Variants in SUGCT observed in about 807,000 individuals in gnomAD.
The protein encoded by SUGCT is succinyl-CoA:glutarate-CoA transferase, also known as succinyl-CoA:glutarate CoA-transferase.
SUGCT carries 41 observed loss-of-function variants against 55.0 expected under a neutral mutation model. The ratio of observed to expected loss-of-function variants is 0.74; its 90% CI spans 0.58 to 0.97. SUGCT has a LOEUF of 0.97. Among genes scored for constraint, SUGCT ranks in the 50% least tolerant of loss-of-function variants. The pLI, the probability that SUGCT is intolerant of heterozygous loss-of-function variation, is 0.00. For missense variants in SUGCT, 568 were observed against 547.8 expected (o/e 1.04, Z -0.37); for synonymous variants, 187 against 200.4 (o/e 0.93, Z 0.56).
intron 12 of SUGCT, among the ~76,000 whole-genome samples, chr7:40,578,581 ATT>A (rs1796904298): frequency 6.6e-6 from 1 of 151,536 alleles, no homozygotes; most frequent in Non-Finnish European, 1.5e-5. Flanking sequence ...TTCTGTCCTG[ATT>A]ATTAGCATCA....
At chr7:40,625,004 C>T (rs979882564) in intron 12 of SUGCT, among the ~76,000 whole-genome samples, 2 of 152,066 alleles carry the variant, frequency 1.3e-5, no homozygotes, top group Admixed American at 6.6e-5. Context: ...TGATGTAACT[C>T]AGATGTTAGC....
chr7:40,855,505 C>CA (rs1794126532), intron 13 of SUGCT, among the ~76,000 whole-genome samples: 2 of 147,886 alleles, frequency 1.4e-5, no homozygotes, highest in Admixed American at 6.7e-5. Flanking sequence ...GTTTAAATTG[C>CA]ATTTTTTTTT....
chr7:40,163,460 C>T (rs1784275135), intron 1 of SUGCT, among the ~76,000 whole-genome samples: 1 of 152,088 alleles, frequency 6.6e-6, no homozygotes, highest in African/African-American at 2.4e-5. Context: ...AAAAAATTAG[C>T]CGGGCGTGGT....
At chr7:40,777,355 T>A (rs1789507385) in intron 13 of SUGCT, among the ~76,000 whole-genome samples, 1 of 152,080 alleles carries the variant, frequency 6.6e-6, no homozygotes, top group Non-Finnish European at 1.5e-5. Flanking sequence ...GATCAACTAG[T>A]GGAGAGGCCA....
chr7:40,916,789 A>T, the SUGCT span, among the ~76,000 whole-genome samples: 5 of 152,206 alleles, frequency 3.3e-5, no homozygotes, highest in Admixed American at 3.3e-4. Context: ...AACATTTATT[A>T]TTCATTTGTT....
In SUGCT at chr7:40,316,355, A is replaced by G. The variant is rs139190933; in HGVS notation, c.721-405A>G. Among the ~76,000 whole-genome samples, 876 of 152,296 alleles carry G rather than the reference A, an allele frequency of 5.8e-3. 6 individuals carry two copies. Among genetic ancestry groups the G allele is most frequent in the African/African-American group, 0.02 (841 of 41,574 alleles). On this transcript the variant is annotated intron_variant, in intron 8 of 13. Transcript: ENST00000335693. ...TTTGGTTCATCTACTCAGTGATGAC[A>G]CAGGCTCTCTTTGTGTTATCTTGGT...
chr7:40,515,052 G>A (rs992428058), intron 12 of SUGCT, among the ~76,000 whole-genome samples: 3 of 152,072 alleles, frequency 2.0e-5, no homozygotes, highest in Admixed American at 1.3e-4. Flanking sequence ...AAGGAATCTG[G>A]CATAGTTACA....
chr7:40,983,054 T>C, the SUGCT span, among the ~76,000 whole-genome samples: 1 of 152,216 alleles, frequency 6.6e-6, no homozygotes, highest in African/African-American at 2.4e-5. Context: ...TTAGTGGAAA[T>C]TGGGACAGCT....
chr7:40,733,949 T>A (rs559161663), intron 12 of SUGCT, among the ~76,000 whole-genome samples: 7 of 152,312 alleles, frequency 4.6e-5, no homozygotes, highest in African/African-American at 1.7e-4. Flanking sequence ...ATGACTTTAT[T>A]AAGAAAATTT....
intron 7 of SUGCT, among the ~76,000 whole-genome samples, chr7:40,243,154 G>A (rs1001980558): frequency 6.1e-4 from 91 of 150,044 alleles, no homozygotes; most frequent in Admixed American, 4.6e-3. Flanking sequence ...TTTTTTTAAT[G>A]CATACAGAAT....
intron 9 of SUGCT, among the ~76,000 whole-genome samples, chr7:40,361,845 G>A (rs1798171121): frequency 6.6e-6 from 1 of 151,612 alleles, no homozygotes; most frequent in Non-Finnish European, 1.5e-5. Flanking sequence ...TTTTCTGAGG[G>A]CACATTGGAA....
At chr7:40,391,140 G>A (rs1232803736) in intron 9 of SUGCT, among the ~76,000 whole-genome samples, 3 of 152,110 alleles carry the variant, frequency 2.0e-5, no homozygotes, top group Non-Finnish European at 2.9e-5. Flanking sequence ...AATTCAAGAT[G>A]GATTAAAGAC....
chr7:40,439,536 T>C (rs371895143), intron 9 of SUGCT, among the ~76,000 whole-genome samples: 1 of 152,206 alleles, frequency 6.6e-6, no homozygotes, highest in Admixed American at 6.5e-5. Flanking sequence ...TGAGAGATGA[T>C]AGAGAAAGTC....
chr7:40,820,817 A>G (rs913571418), intron 13 of SUGCT, among the ~76,000 whole-genome samples: 21 of 152,196 alleles, frequency 1.4e-4, no homozygotes, highest in Admixed American at 1.2e-3. Context: ...AGGAGTGGTG[A>G]GAAAGGGCAT....
chr7:40,981,381 G>A, the SUGCT span, among the ~76,000 whole-genome samples: 1 of 152,164 alleles, frequency 6.6e-6, no homozygotes, highest in African/African-American at 2.4e-5. Flanking sequence ...CACACTGGCA[G>A]TGTCTTTGCT....
chr7:40,772,734 G>T (rs1789238875), intron 13 of SUGCT, among the ~76,000 whole-genome samples: 1 of 151,826 alleles, frequency 6.6e-6, no homozygotes, highest in Non-Finnish European at 1.5e-5. Context: ...GGGCTCAAGG[G>T]ATCCTCCCAC....
intron 10 of SUGCT, 136 bp from the exon 11 acceptor site, chr7:40,458,965 A>G (rs1284354805): frequency 3.3e-6 from 2 of 606,670 alleles, no homozygotes; most frequent in Middle Eastern, 2.6e-4. Context: ...TTCCCTCCAT[A>G]TGTCCTTGTT....
chr7:40,904,456 A>C, the SUGCT span, among the ~76,000 whole-genome samples: 1 of 152,208 alleles, frequency 6.6e-6, no homozygotes, highest in Non-Finnish European at 1.5e-5. Flanking sequence ...TTAGGTTATA[A>C]TTTTAAAAAT....
At chr7:40,606,571 A>G (rs895100776) in intron 12 of SUGCT, among the ~76,000 whole-genome samples, 2 of 152,220 alleles carry the variant, frequency 1.3e-5, no homozygotes, top group Non-Finnish European at 2.9e-5. Context: ...TGACAGTTTC[A>G]TTAACTGCTT....
Sources: gnomAD v4.1 joint callset for allele counts (sites outside exome capture counted in the v4.1 genomes callset) on GRCh38, gnomAD v4.1.1 for gene constraint, MANE v1.5 for transcripts, NCBI Gene and HGNC (gene_info 2026-07-23, HGNC 2026-07-21) for gene names.